UGT2A2: variants seen among roughly 807,000 people sequenced by gnomAD.
UGT2A2 encodes the protein UDP glucuronosyltransferase family 2 member A2, also known as UDP-glucuronosyltransferase 2A2.
In UGT2A2, 60 loss-of-function variants were observed where a neutral mutation model predicts 50.7. The observed-to-expected ratio is 1.18, with a 90% CI of 0.96 to 1.47. The LOEUF (loss-of-function observed/expected upper bound fraction) is 1.47. Among genes scored for constraint, UGT2A2 ranks in the 40% most tolerant of loss-of-function variants. The probability of loss-of-function intolerance (pLI) is 0.00; values close to 1 mark genes in which losing one functional copy is unlikely to be tolerated. For missense variants in UGT2A2, 762 were observed against 634.0 expected, an observed-to-expected ratio of 1.20 and a Z score of -2.17; for synonymous variants, 242 against 214.6, an observed-to-expected ratio of 1.13 and a Z score of -1.11.
chr4:69,601,640 C>A (rs1719301447), intron 1 of UGT2A2, among the ~76,000 whole-genome samples: 1 of 152,108 alleles, frequency 6.6e-6, no homozygotes, highest in African/African-American at 2.4e-5. Flanking sequence ...GTTACTACCA[C>A]AGCTGGCATT....
At chr4:69,625,928 C>T (rs1215405601) in intron 1 of UGT2A2, among the ~76,000 whole-genome samples, 1 of 151,456 alleles carries the variant, frequency 6.6e-6, no homozygotes, top group Non-Finnish European at 1.5e-5. Flanking sequence ...TTTAGAATTG[C>T]AACACAAACT....
At chr4:69,605,308 C>T (rs1332044489) in intron 1 of UGT2A2, among the ~76,000 whole-genome samples, 1 of 136,910 alleles carries the variant, frequency 7.3e-6, no homozygotes, top group Non-Finnish European at 1.6e-5. Context: ...GAACAACCTG[C>T]TCCTGAATGA....
intron 1 of UGT2A2, among the ~76,000 whole-genome samples, chr4:69,631,418 A>C (rs528378027): frequency 6.6e-6 from 1 of 152,276 alleles, no homozygotes; most frequent in East Asian, 1.9e-4. Flanking sequence ...GCTTCAGTGG[A>C]GAGTTACATC....
chr4:69,639,473 A>C lies in UGT2A2; in HGVS notation c.168T>G (p.Asn56Lys). ...ATGAAGCCAGTACAGTCACATTGTG[A>C]TTTCTTTGAATCAACTCTTCTAGAA... The part of the protein sequence containing the change: ...KIILEELIQR[N>K]HNVTVLASSA... Residue 56 changes from asparagine to lysine, a missense_variant, in exon 1 of 6, where the codon AAT (asparagine) becomes AAG (lysine). Transcript: ENST00000604629. 6.2e-7 allele frequency: 1 copy of C among 1,613,080 alleles called. No individual in the cohort carries two copies.
chr4:69,623,134 A>G (rs978104502), intron 1 of UGT2A2, among the ~76,000 whole-genome samples: 12 of 151,896 alleles, frequency 7.9e-5, no homozygotes, highest in Non-Finnish European at 1.3e-4. Flanking sequence ...ACACTTCTCA[A>G]TTGTTGATTT....
chr4:69,601,226 G>A (rs1267710954), intron 1 of UGT2A2, among the ~76,000 whole-genome samples: 1 of 152,146 alleles, frequency 6.6e-6, no homozygotes, highest in African/African-American at 2.4e-5. Flanking sequence ...AACAGCCAGA[G>A]AGCTTCCCTC....
intron 1 of UGT2A2, among the ~76,000 whole-genome samples, chr4:69,605,253 C>T (rs532107620): frequency 7.3e-6 from 1 of 136,902 alleles, no homozygotes; most frequent in South Asian, 2.4e-4. Flanking sequence ...AATTAGAACT[C>T]AGGATTAAGA....
intron 1 of UGT2A2, among the ~76,000 whole-genome samples, chr4:69,601,991 A>C (rs1719323550): frequency 7.3e-6 from 1 of 137,356 alleles, no homozygotes; most frequent in Non-Finnish European, 1.6e-5. Context: ...AATCAAGAAA[A>C]AGTATATTAT....
intron 1 of UGT2A2, among the ~76,000 whole-genome samples, chr4:69,607,481 G>C (rs1560475055): frequency 6.6e-6 from 1 of 151,848 alleles, no homozygotes; most frequent in Non-Finnish European, 1.5e-5. Context: ...AGAAAACCTA[G>C]GCAATACCAT....
intron 2 of UGT2A2, among the ~76,000 whole-genome samples, chr4:69,597,908 T>A (rs535998131): frequency 6.6e-6 from 1 of 152,274 alleles, no homozygotes; most frequent in South Asian, 2.1e-4. Flanking sequence ...TCGATATTTA[T>A]ATTGATTGAA....
At position 69,633,943 on chromosome 4, in the gene UGT2A2, T is replaced by C. The variant is rs1054524329; in HGVS notation, c.742+4956A>G. Among the ~76,000 whole-genome samples, 3 of 152,010 alleles carry C rather than the reference T, an allele frequency of 2.0e-5. No individual in the cohort carries two copies. In the East Asian group the frequency reaches 5.8e-4, roughly 29 times the overall value. Reference sequence around the variant, plus strand: ...TAGGATTTATGTTTTGCAGAAAGAATATACAAAATTTTAAAAACCCGGCCG... The same window carrying C: ...TAGGATTTATGTTTTGCAGAAAGAACATACAAAATTTTAAAAACCCGGCCG... On this transcript the variant is annotated intron_variant, in intron 1 of 5. Transcript: ENST00000604629.
intron 5 of UGT2A2, among the ~76,000 whole-genome samples, chr4:69,590,889 ATAAT>A (rs1234777114): frequency 6.6e-6 from 1 of 152,196 alleles, no homozygotes; most frequent in African/African-American, 2.4e-5. Flanking sequence ...AATATTCTGA[ATAAT>A]TAAATTACAA....
At chr4:69,606,747 C>T (rs1235452080) in intron 1 of UGT2A2, among the ~76,000 whole-genome samples, 1 of 136,532 alleles carries the variant, frequency 7.3e-6, no homozygotes, top group Non-Finnish European at 1.6e-5. Flanking sequence ...AATCAATGTG[C>T]AAAAATCACA....
intron 5 of UGT2A2, among the ~76,000 whole-genome samples, chr4:69,591,791 CTG>C (rs999479397): frequency 7.2e-5 from 11 of 152,204 alleles, no homozygotes; most frequent in African/African-American, 2.6e-4. Context: ...GAATCACAGA[CTG>C]TACCTACACT....
intron 1 of UGT2A2, among the ~76,000 whole-genome samples, chr4:69,630,648 A>T (rs780828323): frequency 6.6e-6 from 1 of 152,176 alleles, no homozygotes; most frequent in Non-Finnish European, 1.5e-5. Flanking sequence ...AAAATGAGAC[A>T]TGTACTTTCA....
intron 1 of UGT2A2, among the ~76,000 whole-genome samples, chr4:69,607,388 C>G (rs892293636): frequency 5.9e-5 from 9 of 151,718 alleles, no homozygotes; most frequent in African/African-American, 1.9e-4. Context: ...GAACCTGGAT[C>G]CCTTCCTTAC....
intron 1 of UGT2A2, among the ~76,000 whole-genome samples, chr4:69,618,295 T>C (rs1439832285): frequency 6.6e-6 from 1 of 151,284 alleles, no homozygotes; most frequent in African/African-American, 2.4e-5. Context: ...GTTACAGTTC[T>C]CTTAAAAATG....
intron 3 of UGT2A2, among the ~76,000 whole-genome samples, chr4:69,595,679 G>T (rs1372101118): frequency 6.6e-6 from 1 of 152,062 alleles, no homozygotes; most frequent in Non-Finnish European, 1.5e-5. Flanking sequence ...AAAAATTAAG[G>T]TTAATTGAAT....
chr4:69,622,985 A>T (rs1395542958), intron 1 of UGT2A2, among the ~76,000 whole-genome samples: 1 of 151,840 alleles, frequency 6.6e-6, no homozygotes, highest in Non-Finnish European at 1.5e-5. Context: ...TCTCTTTAAA[A>T]ATTGTCATGG....
Sources: allele counts gnomAD v4.1 joint callset (sites outside exome capture counted in the v4.1 genomes callset), GRCh38; gene constraint gnomAD v4.1.1; transcripts MANE v1.5; gene names NCBI Gene and HGNC (gene_info 2026-07-23, HGNC 2026-07-21).